PPP1R7: variants seen among roughly 807,000 people sequenced by gnomAD.
The protein encoded by PPP1R7 is protein phosphatase 1 regulatory subunit 22.
A neutral mutation model predicts 45.2 loss-of-function variants in PPP1R7; 18 were observed. The ratio of observed to expected loss-of-function variants is 0.40; its 90% confidence interval spans 0.28 to 0.59. PPP1R7 has a LOEUF of 0.59. Ranked by LOEUF, PPP1R7 falls within the 20% of genes least tolerant of loss-of-function variation. The pLI is 0.46. For missense variants in PPP1R7, 314 were observed against 455.8 expected (o/e 0.69, Z 2.83); for synonymous variants, 181 against 183.4 (o/e 0.99, Z 0.11).
chr2:241,168,559 G>T (rs1012489889), intron 8 of PPP1R7, among the ~76,000 whole-genome samples: 3 of 152,222 alleles, frequency 2.0e-5, no homozygotes, highest in Non-Finnish European at 4.4e-5. Flanking sequence ...CTCTGAACCC[G>T]CCCCACTGAG....
chr2:241,180,879 T>G (rs887710610), intron 9 of PPP1R7, among the ~76,000 whole-genome samples: 4 of 152,072 alleles, frequency 2.6e-5, no homozygotes, highest in African/African-American at 9.7e-5. Flanking sequence ...TGGTACGCAC[T>G]AGTCCCACAA....
chr2:241,182,955 C>G lies in PPP1R7; in HGVS notation c.*132C>G, dbSNP rs1391895098. The G allele has an allele frequency of 1.2e-5, 12 of 1,034,524 alleles. No individual in the cohort carries two copies. The highest frequency in any genetic ancestry group is 1.7e-5 in the Non-Finnish European group (12 of 727,180). The allele number at this position is 1,034,524 out of a possible 1,614,324, so 64.1% of individuals were successfully genotyped here. A position where few individuals can be genotyped will look rare whatever the true frequency, so the allele number is the denominator to read the frequency against. On this transcript the variant is annotated 3_prime_UTR_variant, in exon 10 of 10. Transcript: ENST00000234038. ...AACCCAATGGCAATAAAGGCACTGA[C>G]GATAGCTGGCGCGCGCGACGTCACA...
chr2:241,182,737 T>C lies in PPP1R7; in HGVS notation c.997T>C (p.Leu333=), dbSNP rs2149075380. Residue 333 remains leucine (L), a synonymous_variant, in exon 10 of 10, where the codon TTG becomes CTG. Coordinates refer to ENST00000234038, the MANE Select transcript of PPP1R7 (RefSeq NM_002712.3). ...GACAGTGTACCTGGAGCGGAACCCC[T>C]TGCAGAAGGACCCCCAGTACCGGCG... ...LETVYLERNP[L]QKDPQYRRKV... 1 of 1,614,182 alleles carries C rather than the reference T, an allele frequency of 6.2e-7. No individual in the cohort carries two copies. The highest frequency in any genetic ancestry group is 1.1e-5 in the South Asian group (1 of 91,082).
chr2:241,166,249 A>T, intron 7 of PPP1R7, 88 bp from the exon 8 acceptor site: 1 of 1,107,914 alleles, frequency 9.0e-7, no homozygotes, highest in African/African-American at 1.6e-5. Context: ...AGAATTCTTC[A>T]AGATAACACA....
chr2:241,150,325 G>A (rs1008308817), upstream of PPP1R7: 83 of 1,323,814 alleles, frequency 6.3e-5, no homozygotes, highest in Middle Eastern at 5.7e-4. Context: ...GGCGCGGCGC[G>A]CGGCCTCATG....
intron 9 of PPP1R7, among the ~76,000 whole-genome samples, chr2:241,170,503 TCTC>T (rs1284307032): frequency 6.6e-6 from 1 of 152,164 alleles, no homozygotes; most frequent in Non-Finnish European, 1.5e-5. Flanking sequence ...CTTAGAGAAA[TCTC>T]CTAAGGTTTA....
rs2067497524 is a variant in PPP1R7, at chr2:241,157,971, CCTTGGTTGAG to C, written c.237+110_237+119del. On this transcript the variant is annotated intron_variant, in intron 3 of 9. Transcript: ENST00000234038. ...TCCCTAGAGAGGTGGCCTAAGCCTC[CCTTGGTTGAG>C]TCAGAGTCCCGTGTTCATGTTTTTC... 45 of 1,149,440 alleles carry C rather than the reference CCTTGGTTGAG, an allele frequency of 3.9e-5. 1 individual carries two copies. In the South Asian group the frequency reaches 5.1e-4, roughly 13 times the overall value. 71.2% of individuals were successfully genotyped at this position (1,149,440 alleles called of 1,614,324 possible). A position where few individuals can be genotyped will look rare whatever the true frequency, so the allele number is the denominator to read the frequency against.
chr2:241,159,248 T>G lies in PPP1R7; in HGVS notation c.339T>G (p.Ile113Met). The G allele has an allele frequency of 1.9e-6, 3 of 1,613,506 alleles. No individual in the cohort carries two copies. The highest frequency in any genetic ancestry group is 1.3e-5 in the African/African-American group (1 of 74,988). Reference protein sequence around the residue: ...LCLRQNLIKCIENLEELQSLR... With the variant: ...LCLRQNLIKCMENLEELQSLR... The stretch of plus-strand genomic sequence containing the variant: ...TCCGCCAAAATTTAATTAAATGCAT[T>G]GAGAATCTGGAGGAGCTACAGAGTC... The change falls in exon 5 of 10, where the codon ATT becomes ATG. Residue 113 changes from isoleucine to methionine, a missense_variant. Physicochemically the swap from Ile to Met is conservative, Grantham distance 10. Around this residue, in one of 3 missense-constraint regions of PPP1R7, gnomAD observed 112 missense variants for 144.5 expected, o/e 0.78. Coordinates refer to ENST00000234038, the MANE Select transcript of PPP1R7 (RefSeq NM_002712.3).
At chr2:241,156,487 A>G (rs1394920606) in intron 2 of PPP1R7, among the ~76,000 whole-genome samples, 1 of 152,202 alleles carries the variant, frequency 6.6e-6, no homozygotes, top group African/African-American at 2.4e-5. Flanking sequence ...CCTGGGCAAC[A>G]TAGCGAGACC....
At chr2:241,166,221 G>C in intron 7 of PPP1R7, 116 bp from the exon 8 acceptor site, 1 of 892,252 alleles carries the variant, frequency 1.1e-6, no homozygotes, top group Non-Finnish European at 1.7e-6. Context: ...CATGTTTTAA[G>C]TGAAATTCTC....
At chr2:241,166,315 C>T in intron 7 of PPP1R7, 22 bp from the exon 8 acceptor site, 1 of 1,598,686 alleles carries the variant, frequency 6.3e-7, no homozygotes, top group Non-Finnish European at 8.6e-7. Flanking sequence ...GTTCTGACAG[C>T]TGTGTGCTCT....
In PPP1R7 at chr2:241,163,272, G is replaced by A; in HGVS notation, c.598-13G>A. ...CAACTGCAGTACTCATTGCTGTTCT[G>A]TCCTTTCCACAGGCAATCGAAAATA... is the stretch of plus-strand genomic sequence containing the variant. On this transcript the variant is annotated splice_polypyrimidine_tract_variant and intron_variant, in intron 6 of 9. Transcript: ENST00000234038. 1 of 1,584,868 alleles carries A rather than the reference G, an allele frequency of 6.3e-7. No individual in the cohort carries two copies. Among genetic ancestry groups the A allele is most frequent in the Non-Finnish European group, 8.7e-7 (1 of 1,153,540 alleles).
intron 8 of PPP1R7, among the ~76,000 whole-genome samples, chr2:241,168,526 A>G (rs114467581): frequency 0.017 from 2,548 of 152,328 alleles, 85 homozygotes; most frequent in East Asian, 0.1. Context: ...GTCTTCTGCA[A>G]CATTTTCCTG....
chr2:241,156,049 C>T (rs79693032), intron 2 of PPP1R7, among the ~76,000 whole-genome samples: 2 of 152,254 alleles, frequency 1.3e-5, no homozygotes, highest in East Asian at 3.9e-4. Flanking sequence ...CATGTGGGAT[C>T]ATGACTTTGT....
upstream of PPP1R7, chr2:241,150,307 C>G (rs755787673): frequency 3.0e-6 from 4 of 1,336,400 alleles, no homozygotes; most frequent in African/African-American, 3.1e-5. Flanking sequence ...ATTACCTGCT[C>G]TGGGGGAGGC....
At chr2:241,182,524 G>A in intron 9 of PPP1R7, 123 bp from the exon 10 acceptor site, 1 of 1,230,512 alleles carries the variant, frequency 8.1e-7, no homozygotes, top group Non-Finnish European at 1.1e-6. Context: ...TGAGGTGCCA[G>A]GGAAGACCCA....
chr2:241,158,686 CCTTT>C (rs2067516332), intron 4 of PPP1R7, 137 bp downstream of exon 4: 1 of 784,118 alleles, frequency 1.3e-6, no homozygotes, highest in African/African-American at 1.7e-5. Context: ...TTGTAGCAGG[CCTTT>C]CTTTACTGGG....
rs141128858 is a variant in PPP1R7 at position 241,159,329 on chromosome 2, G to A, written c.420G>A (p.Ala140=). 3.0e-4 allele frequency: 488 copies of A among 1,613,116 alleles called. 2 individuals carry two copies. In the East Asian group the frequency reaches 0.01, roughly 34 times the overall value. Residue 140 remains alanine, a synonymous_variant, in exon 5 of 10, where the codon GCG becomes GCA. Coordinates refer to ENST00000234038, the MANE Select transcript of PPP1R7 (RefSeq NM_002712.3). ...NQIKKIENLE[A]LTELEILDIS... ...TCAAGAAGATTGAGAATCTGGAGGC[G>A]CTAACAGAGCTGGAGTGAGTCATGA...
chr2:241,157,803 TC>T lies in PPP1R7; in HGVS notation c.182-3del, dbSNP rs745869347. ...GAACAAATCTCTTTTTCTTATTTTT[TC>T]AGAAGAACATGAGCTGCCTGTGGAC... On this transcript the variant is annotated splice_region_variant and splice_polypyrimidine_tract_variant and intron_variant, in intron 2 of 9. Coordinates refer to ENST00000234038, the MANE Select transcript of PPP1R7 (RefSeq NM_002712.3). 1 of 1,613,284 alleles carries T rather than the reference TC, an allele frequency of 6.2e-7. No homozygotes were observed. Among genetic ancestry groups the T allele is most frequent in the South Asian group, 1.1e-5 (1 of 91,058 alleles).
Sources: gnomAD v4.1 joint callset for allele counts (sites outside exome capture counted in the v4.1 genomes callset) on GRCh38, gnomAD v4.1.1 for gene constraint, gnomAD v4.1.1 regional missense constraint, MANE v1.5 for transcripts, NCBI Gene and HGNC (gene_info 2026-07-23, HGNC 2026-07-21) for gene names.